Variants in SQOR observed in about 807,000 individuals in gnomAD.
SQOR encodes sulfide quinone oxidoreductase.
In SQOR, 39 loss-of-function variants were observed where a neutral mutation model predicts 48.6. The ratio of observed to expected loss-of-function variants is 0.80; its 90% CI spans 0.62 to 1.05. The LOEUF (loss-of-function observed/expected upper bound fraction) is 1.05. SQOR is among the 50% of genes least tolerant of loss of function. The pLI is 0.00. For missense variants in SQOR, 561 were observed against 559.9 expected, an observed-to-expected ratio of 1.00 and a Z score of -0.02; for synonymous variants, 220 against 206.2, an observed-to-expected ratio of 1.07 and a Z score of -0.57.
intron 1 of SQOR, among the ~76,000 whole-genome samples, chr15:45,651,771 G>C (rs1889496036): frequency 6.6e-6 from 1 of 151,978 alleles, no homozygotes; most frequent in African/African-American, 2.4e-5. Context: ...ACCCGGCCTT[G>C]ATTTTTAAGT....
upstream of SQOR, among the ~76,000 whole-genome samples, chr15:45,633,393 G>C (rs1894932716): frequency 6.6e-6 from 1 of 152,084 alleles, no homozygotes; most frequent in South Asian, 2.1e-4. Context: ...AGAGTTATTT[G>C]CCATTTCAAA....
chr15:45,676,040 A>T (rs533720831), intron 5 of SQOR, 61 bp from the exon 6 acceptor site: 16 of 428,726 alleles, frequency 3.7e-5, no homozygotes, highest in East Asian at 1.9e-4. Context: ...TGTCTGGATT[A>T]AAAAAAAAAA....
At chr15:45,637,294 G>A (rs565607992) in intron 1 of SQOR, among the ~76,000 whole-genome samples, 19 of 152,156 alleles carry the variant, frequency 1.2e-4, no homozygotes, top group African/African-American at 3.9e-4. Flanking sequence ...ATTTCTTTTC[G>A]CCTCAGCTTC....
chr15:45,635,877 C>T (rs1894995101), intron 1 of SQOR, among the ~76,000 whole-genome samples: 1 of 152,118 alleles, frequency 6.6e-6, no homozygotes, highest in Non-Finnish European at 1.5e-5. Context: ...GCTCTGTCGC[C>T]CAAGCTGGAG....
chr15:45,671,860 A>C (rs1474098342), intron 4 of SQOR, among the ~76,000 whole-genome samples: 2 of 152,100 alleles, frequency 1.3e-5, no homozygotes, highest in East Asian at 3.9e-4. Context: ...TCCCCAGTGC[A>C]CAGCCTGTTG....
chr15:45,644,181 A>G (rs1225140884), intron 1 of SQOR, among the ~76,000 whole-genome samples: 2 of 151,884 alleles, frequency 1.3e-5, no homozygotes, highest in African/African-American at 2.4e-5. Flanking sequence ...TCTGCCTCCC[A>G]GGTTCAAGCG....
chr15:45,658,864 G>A (rs1879542754), intron 1 of SQOR, 43 bp from the exon 2 acceptor site: 1 of 1,392,594 alleles, frequency 7.2e-7, no homozygotes, highest in African/African-American at 1.5e-5. Context: ...GTCCCACGAT[G>A]GTTTCTACCT....
chr15:45,636,320 AT>A, intron 1 of SQOR, among the ~76,000 whole-genome samples: 1 of 152,262 alleles, frequency 6.6e-6, no homozygotes, highest in African/African-American at 2.4e-5. Flanking sequence ...AGTTACCATA[AT>A]TTTGAAGTAG....
chr15:45,654,336 T>C (rs1184630284), intron 1 of SQOR, among the ~76,000 whole-genome samples: 7 of 152,206 alleles, frequency 4.6e-5, no homozygotes, highest in African/African-American at 1.7e-4. Flanking sequence ...ACATTTCTTA[T>C]AACACATTCT....
At chr15:45,649,934 C>G (rs1397877019) in intron 1 of SQOR, among the ~76,000 whole-genome samples, 2 of 152,026 alleles carry the variant, frequency 1.3e-5, no homozygotes, top group East Asian at 1.9e-4. Flanking sequence ...CCTCTGCCTC[C>G]CGGGTTCAAG....
chr15:45,659,523 T>C (rs142780574), intron 2 of SQOR, among the ~76,000 whole-genome samples: 324 of 152,316 alleles, frequency 2.1e-3, no homozygotes, highest in African/African-American at 7.7e-3. Flanking sequence ...CTCTGCAGCC[T>C]GGGTGAGAGG....
chr15:45,669,078 C>T (rs1216163499), intron 3 of SQOR, among the ~76,000 whole-genome samples: 1 of 151,548 alleles, frequency 6.6e-6, no homozygotes. Context: ...GTCAGACTTG[C>T]TTGGGACTCA....
chr15:45,668,092 C>T (rs946694287), intron 3 of SQOR, among the ~76,000 whole-genome samples: 3 of 151,628 alleles, frequency 2.0e-5, no homozygotes, highest in Non-Finnish European at 2.9e-5. Context: ...CTACAGGCGC[C>T]CGCCACCATA....
chr15:45,631,948 C>T (rs949094505), upstream of SQOR: 3 of 152,166 alleles, frequency 2.0e-5, no homozygotes, highest in African/African-American at 7.2e-5. Flanking sequence ...ACAGCGGGCA[C>T]AGGGCTTGCT....
chr15:45,676,970 G>A (rs771495064), intron 6 of SQOR, among the ~76,000 whole-genome samples: 2 of 151,940 alleles, frequency 1.3e-5, no homozygotes, highest in Non-Finnish European at 2.9e-5. Flanking sequence ...GAACCCAGAA[G>A]GCGGAGGCTG....
upstream of SQOR, among the ~76,000 whole-genome samples, chr15:45,633,672 A>AGACGGAGT (rs1894940469): frequency 6.9e-6 from 1 of 144,524 alleles, no homozygotes; most frequent in South Asian, 2.3e-4. Context: ...CCAGCCTGGG[A>AGACGGAGT]GACGGAGTGA....
chr15:45,687,731 ATCTGTCTGTCGTTCTGTCTG>A (rs1245711188), intron 7 of SQOR, among the ~76,000 whole-genome samples: 2 of 149,186 alleles, frequency 1.3e-5, no homozygotes, highest in East Asian at 2.2e-4. Context: ...ATCTATCTGT[ATCTGTCTGTCGTTCTGTCTG>A]TCTGTCTGTC....
At chr15:45,666,453 T>C (rs1458772896) in intron 3 of SQOR, among the ~76,000 whole-genome samples, 1 of 152,184 alleles carries the variant, frequency 6.6e-6, no homozygotes, top group Non-Finnish European at 1.5e-5. Flanking sequence ...GCAAATTGTG[T>C]CTGTTTCTTC....
upstream of SQOR, among the ~76,000 whole-genome samples, chr15:45,633,827 ACAGT>A (rs1429608874): frequency 2.6e-5 from 4 of 151,990 alleles, no homozygotes; most frequent in African/African-American, 9.7e-5. Flanking sequence ...TGCCATAGAT[ACAGT>A]CAGTCTCTTT....
Sources: allele counts gnomAD v4.1 joint callset (sites outside exome capture counted in the v4.1 genomes callset), GRCh38; gene constraint gnomAD v4.1.1; transcripts MANE v1.5; gene names NCBI Gene and HGNC (gene_info 2026-07-23, HGNC 2026-07-21).